The following CTCF variants were observed in gnomAD, a reference collection of about 807,000 sequenced individuals.
CTCF encodes transcriptional repressor CTCF.
In CTCF, 7 loss-of-function variants were observed where a neutral mutation model predicts 72.3. That is an observed-to-expected ratio of 0.10 (90% CI 0.06 to 0.18). CTCF has a LOEUF of 0.18. CTCF is among the 10% of genes least tolerant of loss of function. The pLI is 1.00. For synonymous variants in CTCF, 374 were observed against 315.8 expected (o/e 1.18, Z -1.95); for missense variants, 516 against 949.1 (o/e 0.54, Z 6.00).
intron 9 of CTCF, among the ~76,000 whole-genome samples, chr16:67,629,165 G>A (rs1259281197): frequency 7.5e-6 from 1 of 132,508 alleles, no homozygotes; most frequent in African/African-American, 2.8e-5. Context: ...GTTAGATCTT[G>A]ACAGAACTAA....
At chr16:67,591,694 T>C (rs2051745648) in intron 2 of CTCF, among the ~76,000 whole-genome samples, 1 of 151,814 alleles carries the variant, frequency 6.6e-6, no homozygotes, top group Non-Finnish European at 1.5e-5. Flanking sequence ...TTTCCTTTCA[T>C]CCTCAGGAAA....
intron 2 of CTCF, among the ~76,000 whole-genome samples, chr16:67,589,628 C>T (rs1297351399): frequency 6.6e-6 from 1 of 152,118 alleles, no homozygotes; most frequent in African/African-American, 2.4e-5. Flanking sequence ...CAAGGAGCTC[C>T]CTAAGAACTG....
At chr16:67,596,768 A>C (rs1010572147) in intron 2 of CTCF, among the ~76,000 whole-genome samples, 57 of 151,732 alleles carry the variant, frequency 3.8e-4, no homozygotes, top group African/African-American at 1.4e-3. Context: ...TTGTATTTTT[A>C]GTAGAGATGG....
rs1024465631 is a variant in CTCF, at chr16:67,586,572, T to C, written c.-10+15308T>C. ...AAAAATTTCCTGGGCATGGCCCCTG[T>C]ATTCCCAGCTACTAGGGAGGCTGAG... is the stretch of plus-strand genomic sequence containing the variant. On this transcript the variant is annotated intron_variant, in intron 2 of 11. Coordinates refer to ENST00000264010, the MANE Select transcript of CTCF (RefSeq NM_006565.4). Among the ~76,000 whole-genome samples the C allele has an allele frequency of 1.2e-4, 18 of 151,732 alleles. 1 individual carries two copies. Among genetic ancestry groups the C allele is most frequent in the African/African-American group, 2.4e-5 (1 of 41,324 alleles).
chr16:67,584,630 T>G (rs943114907), intron 2 of CTCF, among the ~76,000 whole-genome samples: 3 of 151,734 alleles, frequency 2.0e-5, no homozygotes, highest in African/African-American at 7.3e-5. Flanking sequence ...CTGGCCAGTC[T>G]TCTTTTTTTT....
chr16:67,595,477 T>G (rs908973242), intron 2 of CTCF, among the ~76,000 whole-genome samples: 2 of 152,186 alleles, frequency 1.3e-5, no homozygotes, highest in African/African-American at 2.4e-5. Context: ...TAGATAAGAT[T>G]AGATTCTAGG....
chr16:67,586,115 T>C (rs1456374239), intron 2 of CTCF, among the ~76,000 whole-genome samples: 1 of 152,186 alleles, frequency 6.6e-6, no homozygotes, highest in East Asian at 1.9e-4. Context: ...AAGTAACATT[T>C]TGAGGCTGGG....
chr16:67,574,775 C>T (rs2051472834), intron 2 of CTCF, among the ~76,000 whole-genome samples: 1 of 150,342 alleles, frequency 6.7e-6, no homozygotes, highest in South Asian at 2.1e-4. Flanking sequence ...TCTCCTGCCT[C>T]GGCCTCCCAA....
At chr16:67,593,358 C>T (rs986975681) in intron 2 of CTCF, among the ~76,000 whole-genome samples, 2 of 152,170 alleles carry the variant, frequency 1.3e-5, no homozygotes, top group Middle Eastern at 3.4e-3. Context: ...CTCCCTCCCC[C>T]TCCTAATCCC....
chr16:67,620,306 T>C lies in CTCF; in HGVS notation c.1087-391T>C, dbSNP rs140170922. On this transcript the variant is annotated intron_variant, in intron 5 of 11. Transcript: ENST00000264010. Reference sequence around the variant, plus strand: ...GCCTCCACCTCCTGGGTTCAAGAGATTCTCCAGCCTCAGCCTTCCGAGTAG... The same window carrying C: ...GCCTCCACCTCCTGGGTTCAAGAGACTCTCCAGCCTCAGCCTTCCGAGTAG... Among the ~76,000 whole-genome samples the C allele has an allele frequency of 5.9e-5, 9 of 152,192 alleles. No homozygotes were observed. The East Asian group carries it at 1.7e-3, about 29-fold the overall frequency.
In CTCF at chr16:67,636,871, TC is replaced by T; in HGVS notation, c.1999+21del. On this transcript the variant is annotated intron_variant, in intron 11 of 11. Transcript: ENST00000264010. The stretch of plus-strand genomic sequence containing the variant: ...ACCAGCGTAAGTTGTTCATCTCTGC[TC>T]TGGAGGCTGGCGTCTTCTCCGAGCA... 1 of 1,480,818 alleles carries T rather than the reference TC, an allele frequency of 6.8e-7. No individual in the cohort carries two copies. 91.7% of individuals were successfully genotyped at this position (1,480,818 alleles called of 1,614,324 possible).
chr16:67,605,669 G>A (rs771856257), intron 2 of CTCF, among the ~76,000 whole-genome samples: 13 of 152,166 alleles, frequency 8.5e-5, no homozygotes, highest in Non-Finnish European at 1.8e-4. Flanking sequence ...AAAATAGATC[G>A]TTTTGAGAAA....
At chr16:67,622,159 A>G (rs1054546202) in intron 7 of CTCF, among the ~76,000 whole-genome samples, 1 of 152,112 alleles carries the variant, frequency 6.6e-6, no homozygotes, top group African/African-American at 2.4e-5. Context: ...GATCGAGACC[A>G]TTCTGGCTAA....
intron 2 of CTCF, among the ~76,000 whole-genome samples, chr16:67,607,260 A>G (rs1282211164): frequency 3.3e-5 from 5 of 149,444 alleles, no homozygotes; most frequent in Non-Finnish European, 7.4e-5. Context: ...CCTGGCCCCT[A>G]TTTTACTCTT....
At chr16:67,586,787 TTTG>T (rs2051674621) in intron 2 of CTCF, among the ~76,000 whole-genome samples, 1 of 152,102 alleles carries the variant, frequency 6.6e-6, no homozygotes, top group African/African-American at 2.4e-5. Flanking sequence ...GCTATACTCT[TTTG>T]TTGTTGTTTT....
chr16:67,582,180 C>T (rs571429173), intron 2 of CTCF, among the ~76,000 whole-genome samples: 2 of 149,136 alleles, frequency 1.3e-5, no homozygotes, highest in African/African-American at 5.0e-5. Flanking sequence ...CACTGCACTC[C>T]AGCCTGGGCC....
chr16:67,587,738 A>G (rs2051687040), intron 2 of CTCF, among the ~76,000 whole-genome samples: 1 of 152,108 alleles, frequency 6.6e-6, no homozygotes, highest in Non-Finnish European at 1.5e-5. Flanking sequence ...TGCCTGGGTG[A>G]CATAGCAAGA....
intron 8 of CTCF, chr16:67,627,083 T>C (rs574133369): frequency 1.8e-5 from 3 of 167,718 alleles, no homozygotes; most frequent in South Asian, 2.0e-4. Context: ...TGGAAGCAGT[T>C]GTGCACCACA....
At chr16:67,565,087 T>C (rs2051325184) in intron 1 of CTCF, among the ~76,000 whole-genome samples, 1 of 151,846 alleles carries the variant, frequency 6.6e-6, no homozygotes, top group Admixed American at 6.6e-5. Context: ...CTGCAACCTC[T>C]GCCTCCCGGA....
Sources: gnomAD v4.1 joint callset for allele counts (sites outside exome capture counted in the v4.1 genomes callset) on GRCh38, gnomAD v4.1.1 for gene constraint, MANE v1.5 for transcripts, NCBI Gene and HGNC (gene_info 2026-07-23, HGNC 2026-07-21) for gene names.